The following CAMSAP3 variants were observed in gnomAD, a reference collection of about 807,000 sequenced individuals.
CAMSAP3 encodes the protein calmodulin-regulated spectrin-associated protein 3.
Under a neutral mutation model 112.5 loss-of-function variants are expected in CAMSAP3, and 34 were observed. That is an observed-to-expected ratio of 0.30 (90% CI 0.23 to 0.40). The LOEUF is 0.40. Ranked by LOEUF, CAMSAP3 falls within the 10% of genes least tolerant of loss-of-function variation. The pLI, the probability that CAMSAP3 is intolerant of heterozygous loss-of-function variation, is 1.00. For missense variants in CAMSAP3, 1,602 were observed against 1,770.3 expected (o/e 0.90, Z 1.71); for synonymous variants, 868 against 799.8 (o/e 1.09, Z -1.44).
chr19:7,599,775 TCATCCACCCGCC>T (rs1286107380), intron 1 of CAMSAP3, among the ~76,000 whole-genome samples: 1 of 34,768 alleles, frequency 2.9e-5, no homozygotes, highest in Non-Finnish European at 5.4e-5. Context: ...ATCCACCCAC[TCATCCACCCGCC>T]CATCCATCCA....
At position 7,611,658 on chromosome 19, in the gene CAMSAP3, G is replaced by T; in HGVS notation, c.1194-29G>T. On this transcript the variant is annotated intron_variant, in intron 10 of 16. Coordinates refer to ENST00000160298, the MANE Select transcript of CAMSAP3 (RefSeq NM_020902.2). The surrounding 1 kb of genome is among the most constrained non-coding windows in gnomAD (Gnocchi z 6.9). Reference sequence around the variant, plus strand: ...CGGGTTGGGGCCGAGGCTGGTCCCAGGGGCTGACCCCTCCCTCCGGCCGCC... The same window carrying T: ...CGGGTTGGGGCCGAGGCTGGTCCCATGGGCTGACCCCTCCCTCCGGCCGCC... The T allele has an allele frequency of 6.4e-7, 1 of 1,571,474 alleles. No individual in the cohort carries two copies. The highest frequency in any genetic ancestry group is 2.3e-5 in the East Asian group (1 of 44,228).
intron 11 of CAMSAP3, among the ~76,000 whole-genome samples, chr19:7,614,308 G>C (rs1189057699): frequency 6.9e-6 from 1 of 145,114 alleles, no homozygotes; most frequent in Admixed American, 6.9e-5. Context: ...AAGCCCTGGG[G>C]AGGACTTCCT....
rs1233404184 is a variant in CAMSAP3 at position 7,610,883 on chromosome 19, C to A, written c.1001C>A (p.Ser334Tyr). Residue 334 changes from serine to tyrosine, a missense_variant, in exon 8 of 17, where the codon TCC (serine) becomes TAC (tyrosine). Coordinates refer to ENST00000160298, the MANE Select transcript of CAMSAP3 (RefSeq NM_020902.2). This position sits in a 1 kb window ranked among gnomAD's most constrained non-coding sequence, Gnocchi z 4.9. ...CCTCTTCTCTGTACTGCAGCTGCCT[C>A]CCCCCGGGGCACTGAGGCCTCCCCA... ...VKDLPDGHAA[S>Y]PRGTEASPPQ... 6.3e-7 allele frequency: 1 copy of A among 1,595,522 alleles called. No homozygotes were observed. Among genetic ancestry groups the A allele is most frequent in the Admixed American group, 1.7e-5 (1 of 58,572 alleles).
rs57108239 is a variant in CAMSAP3, at chr19:7,606,156, AC to A, written c.403-107del. The A allele has an allele frequency of 4.3e-3, 977 of 227,732 alleles. 20 individuals carry two copies. The highest frequency in any genetic ancestry group is 0.013 in the African/African-American group (317 of 23,610). 14.1% of individuals were successfully genotyped at this position (227,732 alleles called of 1,614,324 possible). On this transcript the variant is annotated intron_variant, in intron 2 of 16. Coordinates refer to ENST00000160298, the MANE Select transcript of CAMSAP3 (RefSeq NM_020902.2). ...CACTGGCCCCGCCCCCTCAAGCCCC[AC>A]CCCCCCCGTCAAGTCCCTCCCATCT... is the stretch of plus-strand genomic sequence containing the variant.
chr19:7,606,249 C>A, intron 2 of CAMSAP3, 22 bp from the exon 3 acceptor site: 3 of 1,602,876 alleles, frequency 1.9e-6, no homozygotes, highest in Non-Finnish European at 1.7e-6. Flanking sequence ...CAGGTCTCAC[C>A]CTCTAGCGCT....
intron 1 of CAMSAP3, among the ~76,000 whole-genome samples, chr19:7,599,061 C>T (rs1161287703): frequency 1.3e-5 from 2 of 151,768 alleles, no homozygotes; most frequent in Admixed American, 1.3e-4. Context: ...GTCCCAGCTA[C>T]TCAGGAGGCT....
rs1438311622 is a variant in CAMSAP3 at position 7,610,692 on chromosome 19, A to G, written c.901-8A>G. 8 of 1,613,834 alleles carry G rather than the reference A, an allele frequency of 5.0e-6. No individual in the cohort carries two copies. On this transcript the variant is annotated splice_polypyrimidine_tract_variant and splice_region_variant and intron_variant, in intron 6 of 16. Coordinates refer to ENST00000160298, the MANE Select transcript of CAMSAP3 (RefSeq NM_020902.2). The surrounding 1 kb of genome is among the most constrained non-coding windows in gnomAD (Gnocchi z 4.9). ...GTCCCGTCTGCTGACCCGGCCTCCCACCTCCAGGTCAACTTGGTGGTGATG... is the reference window on the plus strand; with the variant it reads ...GTCCCGTCTGCTGACCCGGCCTCCCGCCTCCAGGTCAACTTGGTGGTGATG...
In CAMSAP3 at chr19:7,606,723, G is replaced by A. The variant is rs1473971189; in HGVS notation, c.621+152G>A. 3.1e-6 allele frequency: 5 copies of A among 1,611,794 alleles called. No homozygotes were observed. The Admixed American group carries it at 8.3e-5, about 27-fold the overall frequency. On this transcript the variant is annotated intron_variant, in intron 4 of 16. Coordinates refer to ENST00000160298, the MANE Select transcript of CAMSAP3 (RefSeq NM_020902.2). ...CCCTCTCTCAATCTCTCTGTGCCCTGCCCGTCCCCTGTGCCGGTACCCGCT... is the reference window on the plus strand; with the variant it reads ...CCCTCTCTCAATCTCTCTGTGCCCTACCCGTCCCCTGTGCCGGTACCCGCT...
At position 7,617,691 on chromosome 19, in the gene CAMSAP3, G is replaced by T; in HGVS notation, c.3444+30G>T. On this transcript the variant is annotated intron_variant, in intron 16 of 16. Coordinates refer to ENST00000160298, the MANE Select transcript of CAMSAP3 (RefSeq NM_020902.2). The surrounding 1 kb of genome is among the most constrained non-coding windows in gnomAD (Gnocchi z 7.5). ...GCCCGCCCACACGTGGGAGTTGGGG[G>T]CTGGTGGGTGGGTGGGTGGCCTGAC... is the stretch of plus-strand genomic sequence containing the variant. 6.2e-7 allele frequency: 1 copy of T among 1,613,662 alleles called. No individual in the cohort carries two copies. The highest frequency in any genetic ancestry group is 8.5e-7 in the Non-Finnish European group (1 of 1,179,662).
intron 11 of CAMSAP3, among the ~76,000 whole-genome samples, chr19:7,613,436 C>T (rs1431697162): frequency 6.8e-6 from 1 of 146,310 alleles, no homozygotes; most frequent in Admixed American, 7.0e-5. Context: ...GGATTTGACC[C>T]TGTCTGTTGG....
At chr19:7,602,799 G>A (rs1272673846) in intron 1 of CAMSAP3, among the ~76,000 whole-genome samples, 6 of 152,048 alleles carry the variant, frequency 3.9e-5, no homozygotes, top group Non-Finnish European at 4.4e-5. Flanking sequence ...GAAGGTTTCT[G>A]GAAGAAGGAG....
Position 7,614,367 on chromosome 19 carries a change from GAC to G in CAMSAP3, c.2671-814_2671-813del, listed in dbSNP as rs2030673003. On this transcript the variant is annotated intron_variant, in intron 11 of 16. Transcript: ENST00000160298. ...TTTTCTTTTGTTTTTTGTTTTTTGA[GAC>G]AGAGTCTCGCTCTGTGGCCCAGGCT... Among the ~76,000 whole-genome samples, 15 of 139,706 alleles carry G rather than the reference GAC, an allele frequency of 1.1e-4. 2 individuals are homozygous for G. The highest frequency in any genetic ancestry group is 4.0e-4 in the African/African-American group (15 of 37,702). The allele number at this position is 139,706 out of a possible 152,430, so 91.7% of individuals were successfully genotyped here. A position where few individuals can be genotyped will look rare whatever the true frequency, so the allele number is the denominator to read the frequency against.
At chr19:7,597,584 G>T (rs1333374095) in intron 1 of CAMSAP3, among the ~76,000 whole-genome samples, 1 of 152,204 alleles carries the variant, frequency 6.6e-6, no homozygotes, top group African/African-American at 2.4e-5. Flanking sequence ...GTAGGGCACT[G>T]CTCCAGTGAT....
Position 7,595,877 on chromosome 19 carries a change from AGCGGCG to A in CAMSAP3, c.-108_-103del, listed in dbSNP as rs539455375. The A allele has an allele frequency of 7.9e-4, 222 of 279,398 alleles. No homozygotes were observed. The highest frequency in any genetic ancestry group is 1.0e-3 in the Non-Finnish European group (193 of 186,394). 17.3% of individuals were successfully genotyped at this position (279,398 alleles called of 1,614,324 possible). On this transcript the variant is annotated 5_prime_UTR_variant, in exon 1 of 17. Coordinates refer to ENST00000160298, the MANE Select transcript of CAMSAP3 (RefSeq NM_020902.2). ...CGCAAGCGGCCGCACCTGGCTCAGC[AGCGGCG>A]GCGGCGGCGGCGGCGGCAGCGGCGG...
In CAMSAP3 at chr19:7,606,513, C is replaced by A. The variant is rs751813834; in HGVS notation, c.563C>A (p.Ala188Glu). The A allele has an allele frequency of 1.7e-5, 26 of 1,554,334 alleles. No homozygotes were observed. The highest frequency in any genetic ancestry group is 2.0e-5 in the Non-Finnish European group (23 of 1,158,754). The part of the protein sequence containing the change: ...RRLQEKTEQE[A>E]AQRASPAAPA... ...CTGCAGGAGAAGACCGAGCAGGAAG[C>A]GGCCCAGCGAGCCTCTCCAGCAGCC... The change falls in exon 4 of 17, where the codon GCG (alanine) becomes GAG (glutamate). Residue 188 changes from alanine to glutamate, a missense_variant. Coordinates refer to ENST00000160298, the MANE Select transcript of CAMSAP3 (RefSeq NM_020902.2).
rs561283185 is a variant in CAMSAP3, at chr19:7,614,892, G to A, written c.2671-291G>A. On this transcript the variant is annotated intron_variant, in intron 11 of 16. Coordinates refer to ENST00000160298, the MANE Select transcript of CAMSAP3 (RefSeq NM_020902.2). The stretch of plus-strand genomic sequence containing the variant: ...GGCCGGGGTCCTCCCGCAGTGTAGA[G>A]TGTCTGTGCCCAACACGAGCTTTTG... 12 of 540,558 alleles carry A rather than the reference G, an allele frequency of 2.2e-5. No individual in the cohort carries two copies. In the East Asian group the frequency reaches 3.9e-4, roughly 17 times the overall value. 33.5% of individuals were successfully genotyped at this position (540,558 alleles called of 1,614,324 possible). A position where few individuals can be genotyped will look rare whatever the true frequency, so the allele number is the denominator to read the frequency against.
intron 5 of CAMSAP3, among the ~76,000 whole-genome samples, chr19:7,609,181 G>C (rs969952688): frequency 6.6e-6 from 1 of 151,880 alleles, no homozygotes; most frequent in South Asian, 2.1e-4. Context: ...AGCCGGGTGC[G>C]GTGGCGGGCG....
In CAMSAP3 at chr19:7,614,331, T is replaced by G. The variant is rs558611542; in HGVS notation, c.2671-852T>G. ...GGGAGGACTTCCTTTTCATTTTTTTTTTTTGTTTTGTTTTCTTTTGTTTTT... is the reference window on the plus strand; with the variant it reads ...GGGAGGACTTCCTTTTCATTTTTTTGTTTTGTTTTGTTTTCTTTTGTTTTT... On this transcript the variant is annotated intron_variant, in intron 11 of 16. Transcript: ENST00000160298. Among the ~76,000 whole-genome samples, 694 of 140,604 alleles carry G rather than the reference T, an allele frequency of 4.9e-3. 8 individuals are homozygous for G. Among genetic ancestry groups the G allele is most frequent in the African/African-American group, 0.018 (654 of 36,652 alleles). 92.2% of individuals were successfully genotyped at this position (140,604 alleles called of 152,430 possible).
intron 1 of CAMSAP3, among the ~76,000 whole-genome samples, chr19:7,599,420 C>T (rs2029863928): frequency 7.1e-6 from 1 of 141,688 alleles, no homozygotes; most frequent in Non-Finnish European, 1.5e-5. Flanking sequence ...ATCCATCCAT[C>T]CATCCACCCA....
Sources: allele counts gnomAD v4.1 joint callset (sites outside exome capture counted in the v4.1 genomes callset), GRCh38; gene constraint gnomAD v4.1.1; non-coding constraint Gnocchi (gnomAD v3.1); transcripts MANE v1.5; gene names NCBI Gene and HGNC (gene_info 2026-07-23, HGNC 2026-07-21).